DISC1: variants seen among roughly 807,000 people sequenced by gnomAD.
The protein encoded by DISC1 is DISC1 scaffold protein.
DISC1 carries 57 observed loss-of-function variants against 84.5 expected under a neutral mutation model. The ratio of observed to expected loss-of-function variants is 0.67; its 90% CI spans 0.55 to 0.84. The LOEUF (loss-of-function observed/expected upper bound fraction) is 0.84. Among genes scored for constraint, DISC1 ranks in the 40% least tolerant of loss-of-function variants. The pLI is 0.00. For missense variants in DISC1, 1,000 were observed against 1,057.8 expected, an observed-to-expected ratio of 0.95 and a Z score of 0.76; for synonymous variants, 411 against 415.2, an observed-to-expected ratio of 0.99 and a Z score of 0.12.
At chr1:231,837,746 T>C (rs1309029769) in intron 9 of DISC1, among the ~76,000 whole-genome samples, 5 of 152,222 alleles carry the variant, frequency 3.3e-5, no homozygotes, top group Non-Finnish European at 7.3e-5. Flanking sequence ...TGTTTTCTTA[T>C]GGAACTTGTA....
intron 1 of DISC1, among the ~76,000 whole-genome samples, chr1:231,633,319 G>A (rs940515988): frequency 6.6e-5 from 10 of 152,152 alleles, no homozygotes; most frequent in Admixed American, 2.6e-4. Flanking sequence ...TACCCCGAAA[G>A]GCAGAGAGCA....
At chr1:231,942,535 C>T (rs1469456701) in intron 9 of DISC1, among the ~76,000 whole-genome samples, 1 of 152,106 alleles carries the variant, frequency 6.6e-6, no homozygotes, top group African/African-American at 2.4e-5. Flanking sequence ...CGTGGTGTCA[C>T]ATGCCTGTAG....
At chr1:231,836,207 T>G (rs2125841297) in intron 9 of DISC1, among the ~76,000 whole-genome samples, 2 of 152,342 alleles carry the variant, frequency 1.3e-5, no homozygotes, top group African/African-American at 4.8e-5. Context: ...ATTTCCCATT[T>G]TCTTAAGTTG....
At chr1:231,766,739 A>G (rs1558507112) in intron 4 of DISC1, among the ~76,000 whole-genome samples, 1 of 152,218 alleles carries the variant, frequency 6.6e-6, no homozygotes, top group Non-Finnish European at 1.5e-5. Flanking sequence ...AATATATCCA[A>G]AATATTATCT....
At chr1:231,797,254 G>A (rs187543675) in intron 7 of DISC1, among the ~76,000 whole-genome samples, 40 of 152,178 alleles carry the variant, frequency 2.6e-4, no homozygotes, top group Admixed American at 2.5e-3. Context: ...ATACTGATAC[G>A]CACCCAATAT....
At chr1:231,983,749 A>G (rs546128843) in intron 10 of DISC1, among the ~76,000 whole-genome samples, 1 of 152,000 alleles carries the variant, frequency 6.6e-6, no homozygotes, top group Admixed American at 6.6e-5. Flanking sequence ...GAAAATACCT[A>G]AAGGGATCAG....
chr1:231,765,199 A>C (rs1438582901), intron 4 of DISC1, among the ~76,000 whole-genome samples: 2 of 27,538 alleles, frequency 7.3e-5, no homozygotes, highest in East Asian at 5.6e-4. Context: ...ACCCTACAAA[A>C]AAAAAAAAAA....
At chr1:231,949,740 C>A (rs1657981958) in intron 9 of DISC1, among the ~76,000 whole-genome samples, 2 of 152,156 alleles carry the variant, frequency 1.3e-5, no homozygotes, top group African/African-American at 2.4e-5. Flanking sequence ...CCCATCAGAC[C>A]CACAAGCTCG....
chr1:231,751,664 T>C (rs1004130776), intron 4 of DISC1, among the ~76,000 whole-genome samples: 1 of 152,214 alleles, frequency 6.6e-6, no homozygotes, highest in African/African-American at 2.4e-5. Context: ...AACCACATTC[T>C]AATTTCCATT....
intron 10 of DISC1, among the ~76,000 whole-genome samples, chr1:231,999,668 C>A (rs1164061821): frequency 6.6e-6 from 1 of 152,184 alleles, no homozygotes; most frequent in African/African-American, 2.4e-5. Flanking sequence ...GTCTTCTTGT[C>A]CTCCAGAGTC....
intron 3 of DISC1, among the ~76,000 whole-genome samples, chr1:231,746,463 T>C (rs1272162926): frequency 2.6e-5 from 4 of 152,204 alleles, no homozygotes; most frequent in Non-Finnish European, 5.9e-5. Flanking sequence ...TGGATAAATG[T>C]GCAGTAGTGG....
chr1:231,966,303 T>G (rs1188064305), intron 10 of DISC1, among the ~76,000 whole-genome samples: 1 of 152,244 alleles, frequency 6.6e-6, no homozygotes, highest in Non-Finnish European at 1.5e-5. Context: ...TCTCACTCCT[T>G]CAGGGTTATT....
chr1:231,984,688 G>A (rs1368914147), intron 10 of DISC1, among the ~76,000 whole-genome samples: 1 of 152,112 alleles, frequency 6.6e-6, no homozygotes, highest in East Asian at 1.9e-4. Context: ...CATTACTACA[G>A]ACATACATGA....
intron 9 of DISC1, among the ~76,000 whole-genome samples, chr1:231,950,203 T>C (rs1658074089): frequency 7.7e-6 from 1 of 130,204 alleles, no homozygotes; most frequent in Admixed American, 7.7e-5. Context: ...GAAAAAAAAT[T>C]CTGTGTGTGT....
intron 3 of DISC1, among the ~76,000 whole-genome samples, chr1:231,726,854 C>T (rs759494639): frequency 3.9e-5 from 6 of 152,162 alleles, no homozygotes; most frequent in African/African-American, 1.4e-4. Flanking sequence ...TATCCATAAT[C>T]ACATCCATGA....
intron 1 of DISC1, among the ~76,000 whole-genome samples, chr1:231,632,226 A>G (rs1455137932): frequency 6.6e-6 from 1 of 152,216 alleles, no homozygotes; most frequent in African/African-American, 2.4e-5. Flanking sequence ...TGACCTAATG[A>G]CACATTTCTC....
At chr1:231,636,853 G>C (rs1000188145) in intron 1 of DISC1, among the ~76,000 whole-genome samples, 2 of 152,090 alleles carry the variant, frequency 1.3e-5, no homozygotes, top group Non-Finnish European at 2.9e-5. Context: ...TTGTTACATA[G>C]GTATACATGT....
At chr1:231,680,415 C>T (rs1390841881) in intron 1 of DISC1, among the ~76,000 whole-genome samples, 7 of 152,204 alleles carry the variant, frequency 4.6e-5, no homozygotes, top group East Asian at 1.9e-4. Flanking sequence ...CACCTGCCCC[C>T]GTGCATATAG....
At chr1:231,771,233 G>T (rs1023011641) in intron 6 of DISC1, 163 bp downstream of exon 6, 1 of 984,950 alleles carries the variant, frequency 1.0e-6, no homozygotes, top group African/African-American at 1.8e-5. Flanking sequence ...TTCACGGTGT[G>T]GGGCAGTCCT....
Sources: allele counts gnomAD v4.1 joint callset (sites outside exome capture counted in the v4.1 genomes callset), GRCh38; gene constraint gnomAD v4.1.1; transcripts MANE v1.5; gene names NCBI Gene and HGNC (gene_info 2026-07-23, HGNC 2026-07-21).